The following ABLIM1 variants were observed in gnomAD, a reference collection of about 807,000 sequenced individuals.
ABLIM1 encodes actin-binding LIM protein 1.
Under a neutral mutation model 107.0 loss-of-function variants are expected in ABLIM1, and 40 were observed. That is an observed-to-expected ratio of 0.37 (90% CI 0.29 to 0.49). ABLIM1 has a LOEUF of 0.49. ABLIM1 is among the 20% of genes least tolerant of loss of function. The probability of loss-of-function intolerance (pLI) is 0.97; values close to 1 mark genes in which losing one functional copy is unlikely to be tolerated. For synonymous variants in ABLIM1, 357 were observed against 357.3 expected (o/e 1.00, Z 0.01); for missense variants, 857 against 1,008.5 (o/e 0.85, Z 2.04).
At chr10:114,789,926 G>A in the ABLIM1 span, among the ~76,000 whole-genome samples, 1 of 152,012 alleles carries the variant, frequency 6.6e-6, no homozygotes, top group Non-Finnish European at 1.5e-5. Context: ...TGGAGTAGCT[G>A]GATTTACAGG....
At chr10:114,450,063 C>T (rs1228599397) in intron 14 of ABLIM1, 1 of 377,144 alleles carries the variant, frequency 2.7e-6, no homozygotes, top group Non-Finnish European at 5.3e-6. Flanking sequence ...TTTTTTAAAG[C>T]CTGTAAGTTG....
chr10:114,540,631 T>C (rs778883181), intron 6 of ABLIM1, among the ~76,000 whole-genome samples: 1 of 152,018 alleles, frequency 6.6e-6, no homozygotes, highest in Non-Finnish European at 1.5e-5. Flanking sequence ...CAGGAATGAG[T>C]GACACAGCCA....
At chr10:114,443,438 G>A (rs573560503) in intron 17 of ABLIM1, among the ~76,000 whole-genome samples, 82 of 151,238 alleles carry the variant, frequency 5.4e-4, no homozygotes, top group Admixed American at 2.6e-3. Context: ...TCAGCCTCCC[G>A]AGTAGCTGGG....
intron 1 of ABLIM1, among the ~76,000 whole-genome samples, chr10:114,626,605 C>T (rs1244685823): frequency 1.3e-5 from 2 of 152,160 alleles, no homozygotes; most frequent in Admixed American, 6.5e-5. Context: ...CATCCACATC[C>T]GATTCCACTC....
At chr10:114,609,119 G>A (rs2076636272) in intron 1 of ABLIM1, among the ~76,000 whole-genome samples, 1 of 152,144 alleles carries the variant, frequency 6.6e-6, no homozygotes, top group African/African-American at 2.4e-5. Context: ...CTTTTTAGGT[G>A]TTTAAGAAAC....
intron 1 of ABLIM1, among the ~76,000 whole-genome samples, chr10:114,748,499 C>T (rs2082433107): frequency 6.6e-6 from 1 of 151,606 alleles, no homozygotes; most frequent in South Asian, 2.1e-4. Context: ...GGCTTATCTG[C>T]TGTGTGTGCC....
chr10:114,718,062 A>AAGAAAGAAAGAAAGGAAGGAAGG (rs2081733250), intron 1 of ABLIM1, among the ~76,000 whole-genome samples: 1 of 47,470 alleles, frequency 2.1e-5, no homozygotes, highest in African/African-American at 7.6e-5. Context: ...AGAAAGAAAG[A>AAGAAAGAAAGAAAGGAAGGAAGG]AAGGAAGAAA....
intron 6 of ABLIM1, among the ~76,000 whole-genome samples, chr10:114,516,733 G>A (rs1565755012): frequency 6.6e-6 from 1 of 152,160 alleles, no homozygotes; most frequent in Non-Finnish European, 1.5e-5. Flanking sequence ...GTCAACCTTG[G>A]AAACTCTTTG....
chr10:114,583,450 CACACACACACACACACACATATATATAT>C (rs2073742213), intron 2 of ABLIM1, among the ~76,000 whole-genome samples: 24 of 36,402 alleles, frequency 6.6e-4, no homozygotes, highest in African/African-American at 2.0e-3. Flanking sequence ...CACACACACA[CACACACACACACACACACATATATATAT>C]ATATATATAT....
intron 1 of ABLIM1, among the ~76,000 whole-genome samples, chr10:114,614,276 A>G (rs2076991352): frequency 6.6e-6 from 1 of 151,960 alleles, no homozygotes; most frequent in South Asian, 2.1e-4. Flanking sequence ...ACATGGCGAA[A>G]CCCAGTCTCT....
chr10:114,751,171 G>A (rs1404250230), intron 1 of ABLIM1, among the ~76,000 whole-genome samples: 1 of 152,004 alleles, frequency 6.6e-6, no homozygotes, highest in African/African-American at 2.4e-5. Context: ...AAAAAACATT[G>A]GGGAGTTGTT....
At chr10:114,569,413 G>A (rs1004831934) in intron 4 of ABLIM1, among the ~76,000 whole-genome samples, 1 of 151,604 alleles carries the variant, frequency 6.6e-6, no homozygotes, top group African/African-American at 2.4e-5. Context: ...TCTGCCTTCC[G>A]GTTTCAAGGG....
chr10:114,752,167 G>A (rs533516626), intron 1 of ABLIM1, among the ~76,000 whole-genome samples: 6 of 152,312 alleles, frequency 3.9e-5, no homozygotes, highest in African/African-American at 9.6e-5. Context: ...CTTGTAAGTG[G>A]AAGAGTCTTC....
intron 1 of ABLIM1, among the ~76,000 whole-genome samples, chr10:114,609,647 A>G (rs1591568205): frequency 6.6e-6 from 1 of 152,210 alleles, no homozygotes; most frequent in African/African-American, 2.4e-5. Context: ...TCTCAGTTCA[A>G]TGTTTGGATT....
At chr10:114,558,646 T>C (rs1591191498) in intron 4 of ABLIM1, among the ~76,000 whole-genome samples, 2 of 152,142 alleles carry the variant, frequency 1.3e-5, no homozygotes, top group Non-Finnish European at 2.9e-5. Context: ...ACATGTACTT[T>C]GAAAGGCTGT....
chr10:114,782,809 A>C, the ABLIM1 span, among the ~76,000 whole-genome samples: 1 of 152,260 alleles, frequency 6.6e-6, no homozygotes, highest in South Asian at 2.1e-4. Flanking sequence ...CTGAAGAAAA[A>C]AAATAAGAAG....
chr10:114,729,149 T>C (rs1269247953), intron 1 of ABLIM1, among the ~76,000 whole-genome samples: 1 of 152,052 alleles, frequency 6.6e-6, no homozygotes, highest in Non-Finnish European at 1.5e-5. Flanking sequence ...AAGTGAGGCC[T>C]AGGGAAAGTA....
rs1014986517 is a variant in ABLIM1, at chr10:114,486,708, G to C, written c.1041+1250C>G. On this transcript the variant is annotated intron_variant, in intron 8 of 22. Transcript: ENST00000533213. Reference sequence around the variant, plus strand: ...CTTTATTTAATTATTCAGAGAAAAAGTGTTTTTTTTTCCCCCTCAACTTAA... The same window carrying C: ...CTTTATTTAATTATTCAGAGAAAAACTGTTTTTTTTTCCCCCTCAACTTAA... Among the ~76,000 whole-genome samples the C allele has an allele frequency of 4.1e-5, 6 of 146,890 alleles. No homozygotes were observed. In the South Asian group the frequency reaches 1.4e-3, roughly 34 times the overall value.
chr10:114,667,024 G>C (rs1012308278), intron 1 of ABLIM1, among the ~76,000 whole-genome samples: 1 of 152,028 alleles, frequency 6.6e-6, no homozygotes, highest in African/African-American at 2.4e-5. Context: ...CACTGTCCAC[G>C]TCTCCACCCT....
Sources: gnomAD v4.1 joint callset for allele counts (sites outside exome capture counted in the v4.1 genomes callset) on GRCh38, gnomAD v4.1.1 for gene constraint, MANE v1.5 for transcripts, NCBI Gene and HGNC (gene_info 2026-07-23, HGNC 2026-07-21) for gene names.